The following PDE4B variants were observed in gnomAD, a reference collection of about 807,000 sequenced individuals.
PDE4B encodes phosphodiesterase 4B.
Under a neutral mutation model 82.2 loss-of-function variants are expected in PDE4B, and 20 were observed. The ratio of observed to expected loss-of-function variants is 0.24; its 90% CI spans 0.17 to 0.35. The LOEUF (loss-of-function observed/expected upper bound fraction) is 0.35. Among genes scored for constraint, PDE4B ranks in the 10% least tolerant of loss-of-function variants. The pLI, the probability that PDE4B is intolerant of heterozygous loss-of-function variation, is 1.00. For missense variants in PDE4B, 655 were observed against 907.2 expected (o/e 0.72, Z 3.57); for synonymous variants, 320 against 318.9 (o/e 1.00, Z -0.04).
Position 66,292,253 on chromosome 1 carries a change from T to C in PDE4B, c.634+26166T>C, listed in dbSNP as rs1287395071. Among the ~76,000 whole-genome samples, 3 of 152,338 alleles carry C rather than the reference T, an allele frequency of 2.0e-5. No individual in the cohort carries two copies. In the East Asian group the frequency reaches 5.8e-4, roughly 29 times the overall value. On this transcript the variant is annotated intron_variant, in intron 7 of 16. Transcript: ENST00000341517. ...AATAATAGCCAATAGTTGGTGAATGTTTATCTTTGCTGAATAGTGTTTTAT... is the reference window on the plus strand; with the variant it reads ...AATAATAGCCAATAGTTGGTGAATGCTTATCTTTGCTGAATAGTGTTTTAT...
At chr1:66,127,532 T>C (rs1019392844) in intron 3 of PDE4B, among the ~76,000 whole-genome samples, 1 of 152,170 alleles carries the variant, frequency 6.6e-6, no homozygotes, top group South Asian at 2.1e-4. Flanking sequence ...AAATAAAATA[T>C]ATGATTTAGT....
intron 1 of PDE4B, among the ~76,000 whole-genome samples, chr1:65,900,905 T>C (rs1452764727): frequency 6.6e-6 from 1 of 152,048 alleles, no homozygotes; most frequent in African/African-American, 2.4e-5. Flanking sequence ...TCAGCGAAGA[T>C]AGACAATTTG....
intron 3 of PDE4B, among the ~76,000 whole-genome samples, chr1:66,207,367 A>C (rs1344250090): frequency 1.3e-5 from 2 of 152,196 alleles, no homozygotes. Context: ...TCAGAAACTG[A>C]ACCCCAATTA....
In PDE4B at chr1:66,330,240, AT is replaced by A. The variant is rs1231902758; in HGVS notation, c.635-2267del. Among the ~76,000 whole-genome samples the A allele has an allele frequency of 2.6e-5, 4 of 152,334 alleles. No individual in the cohort carries two copies. The South Asian group carries it at 8.3e-4, about 32-fold the overall frequency. On this transcript the variant is annotated intron_variant, in intron 7 of 16. Coordinates refer to ENST00000341517, the MANE Select transcript of PDE4B (RefSeq NM_002600.4). ...TGGCTGATCTGAAGAAGAGAGGACA[AT>A]GGAGCAAGGTCTCTTCATATCCATT...
intron 3 of PDE4B, among the ~76,000 whole-genome samples, chr1:66,212,623 C>A (rs1173294492): frequency 6.6e-6 from 1 of 152,128 alleles, no homozygotes; most frequent in Non-Finnish European, 1.5e-5. Flanking sequence ...TCTTTCCCCC[C>A]ACCAGAATGT....
intron 1 of PDE4B, among the ~76,000 whole-genome samples, chr1:65,861,301 G>A (rs1646451636): frequency 6.6e-6 from 1 of 152,112 alleles, no homozygotes; most frequent in Admixed American, 6.5e-5. Flanking sequence ...TTATTAAATA[G>A]AGAATCCTTT....
At chr1:66,356,736 C>A (rs369407647) in intron 9 of PDE4B, among the ~76,000 whole-genome samples, 2 of 152,216 alleles carry the variant, frequency 1.3e-5, no homozygotes, top group East Asian at 3.8e-4. Context: ...CTTTGAGCAG[C>A]CTCATACAGA....
chr1:66,330,822 A>T (rs1660049704), intron 7 of PDE4B: 5 of 982,656 alleles, frequency 5.1e-6, no homozygotes, highest in Non-Finnish European at 6.0e-6. Flanking sequence ...AAAATTGAAG[A>T]TGAAGAAAGG....
intron 3 of PDE4B, among the ~76,000 whole-genome samples, chr1:66,218,296 C>G (rs1026887982): frequency 6.6e-6 from 1 of 152,064 alleles, no homozygotes; most frequent in Non-Finnish European, 1.5e-5. Flanking sequence ...TCATGAAGTC[C>G]AAGGACAGTG....
chr1:66,115,658 T>C (rs1197762244), intron 3 of PDE4B, among the ~76,000 whole-genome samples: 2 of 152,242 alleles, frequency 1.3e-5, no homozygotes, highest in African/African-American at 4.8e-5. Context: ...TGAAAACTTG[T>C]TCCTCTTTTT....
intron 1 of PDE4B, among the ~76,000 whole-genome samples, chr1:65,845,639 A>G (rs1190654155): frequency 2.6e-5 from 4 of 152,268 alleles, no homozygotes; most frequent in Non-Finnish European, 4.4e-5. Flanking sequence ...CTGGTCTCAT[A>G]TTGATGATGC....
At chr1:66,207,983 T>C (rs1649696424) in intron 3 of PDE4B, among the ~76,000 whole-genome samples, 1 of 152,224 alleles carries the variant, frequency 6.6e-6, no homozygotes. Flanking sequence ...GTGACTTCTT[T>C]ATCTTTTGTG....
intron 3 of PDE4B, among the ~76,000 whole-genome samples, chr1:66,051,361 A>G (rs558580029): frequency 1.3e-5 from 2 of 152,278 alleles, no homozygotes; most frequent in South Asian, 4.1e-4. Flanking sequence ...TAGCAACCTC[A>G]TGATTATTGG....
Position 65,814,538 on chromosome 1 carries a change from T to C in PDE4B, c.-71+21290T>C, listed in dbSNP as rs150401736. 3.3e-3 allele frequency among the ~76,000 whole-genome samples: 500 copies of C among 152,320 alleles called. 2 individuals carry two copies. Among genetic ancestry groups the C allele is most frequent in the African/African-American group, 0.011 (468 of 41,576 alleles). On this transcript the variant is annotated intron_variant, in intron 1 of 16. Transcript: ENST00000341517. ...GACTATTGACAAATGTGTTCAATTA[T>C]GAAAACACCACAATCAAGATATTTC...
At chr1:66,251,245 A>G (rs998750308) in intron 4 of PDE4B, among the ~76,000 whole-genome samples, 2 of 152,192 alleles carry the variant, frequency 1.3e-5, no homozygotes, top group African/African-American at 4.8e-5. Context: ...CATATCCCCA[A>G]TGTGGTAGGT....
At chr1:65,818,275 T>G (rs1645908709) in intron 1 of PDE4B, among the ~76,000 whole-genome samples, 1 of 152,204 alleles carries the variant, frequency 6.6e-6, no homozygotes, top group South Asian at 2.1e-4. Flanking sequence ...TAAATGTCTT[T>G]TCTTGTGTAT....
intron 3 of PDE4B, among the ~76,000 whole-genome samples, chr1:65,993,843 C>T (rs954093747): frequency 6.6e-6 from 1 of 152,076 alleles, no homozygotes; most frequent in Non-Finnish European, 1.5e-5. Context: ...AAAACTTGCA[C>T]TGAGCCTGCC....
chr1:66,055,351 C>G (rs145212453), intron 3 of PDE4B, among the ~76,000 whole-genome samples: 6 of 152,308 alleles, frequency 3.9e-5, no homozygotes, highest in African/African-American at 9.6e-5. Flanking sequence ...CCTCGATTAT[C>G]TTTTGGCTAG....
At chr1:66,233,464 T>C (rs1414943798) in intron 3 of PDE4B, among the ~76,000 whole-genome samples, 3 of 152,228 alleles carry the variant, frequency 2.0e-5, no homozygotes, top group African/African-American at 7.2e-5. Flanking sequence ...TATCATCTAT[T>C]AATAAAAATC....
Sources: allele counts gnomAD v4.1 joint callset (sites outside exome capture counted in the v4.1 genomes callset), GRCh38; gene constraint gnomAD v4.1.1; transcripts MANE v1.5; gene names NCBI Gene and HGNC (gene_info 2026-07-23, HGNC 2026-07-21).